The following CDH4 variants were observed in gnomAD, a reference collection of about 807,000 sequenced individuals.
CDH4 encodes cadherin 4, also known as cadherin-4.
Under a neutral mutation model 86.0 loss-of-function variants are expected in CDH4, and 33 were observed. The ratio of observed to expected loss-of-function variants is 0.38; its 90% CI spans 0.29 to 0.51. The LOEUF (loss-of-function observed/expected upper bound fraction) is 0.51. Among genes scored for constraint, CDH4 ranks in the 20% least tolerant of loss-of-function variants. CDH4 has a pLI of 0.86. For synonymous variants in CDH4, 555 were observed against 549.4 expected, an observed-to-expected ratio of 1.01 and a Z score of -0.14; for missense variants, 1,114 against 1,307.4, an observed-to-expected ratio of 0.85 and a Z score of 2.28.
chr20:61,835,790 G>T (rs1346502381), intron 4 of CDH4, among the ~76,000 whole-genome samples: 1 of 152,208 alleles, frequency 6.6e-6, no homozygotes, highest in Non-Finnish European at 1.5e-5. Context: ...GTCCAGGTGG[G>T]CCTCTCTGTG....
chr20:61,283,526 TAG>T lies in CDH4; in HGVS notation c.169+28590_169+28591del, dbSNP rs1568781173. ...CACGCGTGTGCTGTGGTGTGTGATG[TAG>T]GTGCATTTACACGCGTGTGCTGTGG... On this transcript the variant is annotated intron_variant, in intron 2 of 15. Transcript: ENST00000614565. 1.7e-3 allele frequency among the ~76,000 whole-genome samples: 212 copies of T among 127,500 alleles called. 20 individuals are homozygous for T. Among genetic ancestry groups the T allele is most frequent in the African/African-American group, 2.8e-3 (96 of 34,536 alleles). The allele number at this position is 127,500 out of a possible 152,430, so 83.6% of individuals were successfully genotyped here.
intron 2 of CDH4, among the ~76,000 whole-genome samples, chr20:61,734,267 G>T (rs1358608227): frequency 6.6e-6 from 1 of 152,222 alleles, no homozygotes. Flanking sequence ...AAGAAGCCGG[G>T]CTCTGCTGTT....
chr20:61,700,396 C>T (rs2145884249), intron 2 of CDH4, among the ~76,000 whole-genome samples: 1 of 152,308 alleles, frequency 6.6e-6, no homozygotes, highest in South Asian at 2.1e-4. Flanking sequence ...TGTCCTTGGG[C>T]TTATATTAGA....
At chr20:61,553,609 A>C (rs1454475834) in intron 2 of CDH4, among the ~76,000 whole-genome samples, 1 of 152,210 alleles carries the variant, frequency 6.6e-6, no homozygotes, top group African/African-American at 2.4e-5. Flanking sequence ...ACCCTGCTTT[A>C]TAGATGTAGT....
intron 2 of CDH4, among the ~76,000 whole-genome samples, chr20:61,732,011 C>T (rs2088195846): frequency 1.3e-5 from 2 of 152,178 alleles, no homozygotes; most frequent in African/African-American, 2.4e-5. Flanking sequence ...CTTCAGAAAC[C>T]TTGGACTCAG....
chr20:61,340,389 C>T (rs370172699), intron 2 of CDH4, among the ~76,000 whole-genome samples: 2 of 152,274 alleles, frequency 1.3e-5, no homozygotes, highest in East Asian at 1.9e-4. Context: ...CAGCCTCCAT[C>T]GTGGGTGAAT....
At chr20:61,631,827 G>A (rs763272093) in intron 2 of CDH4, among the ~76,000 whole-genome samples, 17 of 152,194 alleles carry the variant, frequency 1.1e-4, no homozygotes, top group Non-Finnish European at 2.1e-4. Flanking sequence ...AGTGGGGGTG[G>A]CACGCGTCCT....
chr20:61,299,122 TG>T (rs1439749944), intron 2 of CDH4, among the ~76,000 whole-genome samples: 1 of 152,104 alleles, frequency 6.6e-6, no homozygotes, highest in African/African-American at 2.4e-5. Flanking sequence ...ACAGTCAGAG[TG>T]GATCAGGGTG....
chr20:61,611,639 C>T (rs1273187117), intron 2 of CDH4, among the ~76,000 whole-genome samples: 1 of 152,134 alleles, frequency 6.6e-6, no homozygotes, highest in African/African-American at 2.4e-5. Flanking sequence ...AAGAGCTTTT[C>T]TGCCAACCCA....
chr20:61,749,896 A>G (rs965524001), intron 3 of CDH4, among the ~76,000 whole-genome samples: 1 of 152,180 alleles, frequency 6.6e-6, no homozygotes, highest in African/African-American at 2.4e-5. Flanking sequence ...CCCTGTCTCT[A>G]CTAAACATGC....
chr20:61,492,416 T>C (rs1050122047), intron 2 of CDH4, among the ~76,000 whole-genome samples: 1 of 152,094 alleles, frequency 6.6e-6, no homozygotes, highest in African/African-American at 2.4e-5. Flanking sequence ...GTGGTGGTAT[T>C]GATGTTGCTG....
intron 2 of CDH4, among the ~76,000 whole-genome samples, chr20:61,551,880 GA>G (rs761982181): frequency 7.2e-5 from 11 of 152,192 alleles, no homozygotes; most frequent in Non-Finnish European, 1.2e-4. Context: ...ATTCAATGGG[GA>G]AAAGACAGCC....
At position 61,802,615 on chromosome 20, in the gene CDH4, G is replaced by A. The variant is rs147412119; in HGVS notation, c.576+29433G>A. On this transcript the variant is annotated intron_variant, in intron 4 of 15. Transcript: ENST00000614565. ...ACGGGAGTCCACGCGTGGGTTTTTC[G>A]CTTGCTGCTTCAAGCAAATCAGCCA... Among the ~76,000 whole-genome samples, 930 of 152,184 alleles carry A rather than the reference G, an allele frequency of 6.1e-3. 17 individuals are homozygous for A. Among genetic ancestry groups the A allele is most frequent in the South Asian group, 0.054 (262 of 4,828 alleles).
At chr20:61,316,684 G>A (rs2084477759) in intron 2 of CDH4, among the ~76,000 whole-genome samples, 1 of 152,238 alleles carries the variant, frequency 6.6e-6, no homozygotes, top group Admixed American at 6.5e-5. Context: ...TTAATTGGTA[G>A]TGAAGAAATG....
intron 2 of CDH4, among the ~76,000 whole-genome samples, chr20:61,656,132 C>T (rs1446575636): frequency 6.6e-6 from 1 of 152,208 alleles, no homozygotes; most frequent in East Asian, 1.9e-4. Context: ...GAACCACCCA[C>T]CGTGCTCTCT....
chr20:61,793,872 C>T lies in CDH4; in HGVS notation c.576+20690C>T, dbSNP rs1979367886. Among the ~76,000 whole-genome samples, 5 of 145,340 alleles carry T rather than the reference C, an allele frequency of 3.4e-5. No individual in the cohort carries two copies. The South Asian group carries it at 1.1e-3, about 33-fold the overall frequency. ...AAAAAAAAGAGGCCAGGTACGGTGG[C>T]TCACTCCTGTAATCCCAGCACTTTG... is the stretch of plus-strand genomic sequence containing the variant. On this transcript the variant is annotated intron_variant, in intron 4 of 15. Coordinates refer to ENST00000614565, the MANE Select transcript of CDH4 (RefSeq NM_001794.5).
intron 4 of CDH4, among the ~76,000 whole-genome samples, chr20:61,774,056 A>G (rs1196410589): frequency 1.3e-5 from 2 of 152,356 alleles, no homozygotes; most frequent in Admixed American, 6.5e-5. Flanking sequence ...CCGGTTATTT[A>G]TAGCAGAAAC....
At chr20:61,737,997 G>A (rs1313203910) in intron 2 of CDH4, among the ~76,000 whole-genome samples, 1 of 152,188 alleles carries the variant, frequency 6.6e-6, no homozygotes, top group Non-Finnish European at 1.5e-5. Flanking sequence ...CATGCAGCGG[G>A]TGCTGGGACC....
intron 4 of CDH4, among the ~76,000 whole-genome samples, chr20:61,813,611 C>T (rs1009138853): frequency 1.3e-5 from 2 of 152,190 alleles, no homozygotes; most frequent in Non-Finnish European, 2.9e-5. Context: ...AGGGAGCGGT[C>T]GTTCTGCTGG....
Sources: gnomAD v4.1 joint callset for allele counts (sites outside exome capture counted in the v4.1 genomes callset) on GRCh38, gnomAD v4.1.1 for gene constraint, MANE v1.5 for transcripts, NCBI Gene and HGNC (gene_info 2026-07-23, HGNC 2026-07-21) for gene names.